Variants in TEC observed in about 807,000 individuals in gnomAD.
TEC encodes the protein tec protein tyrosine kinase.
TEC carries 72 observed loss-of-function variants against 93.0 expected under a neutral mutation model. The ratio of observed to expected loss-of-function variants is 0.77; its 90% CI spans 0.64 to 0.94. The LOEUF is 0.94. TEC is among the 40% of genes least tolerant of loss of function. TEC has a pLI of 0.00. For synonymous variants in TEC, 249 were observed against 247.7 expected, an observed-to-expected ratio of 1.01 and a Z score of -0.05; for missense variants, 630 against 757.9, an observed-to-expected ratio of 0.83 and a Z score of 1.98.
chr4:48,219,722 G>T (rs1723194671), intron 2 of TEC, among the ~76,000 whole-genome samples: 1 of 152,058 alleles, frequency 6.6e-6, no homozygotes, highest in African/African-American at 2.4e-5. Flanking sequence ...CAATCACTTA[G>T]AAGATTCACC....
intron 8 of TEC, among the ~76,000 whole-genome samples, chr4:48,159,416 A>T (rs1048646036): frequency 7.2e-5 from 11 of 152,182 alleles, no homozygotes; most frequent in African/African-American, 2.7e-4. Context: ...TTTTTGGGAC[A>T]GAGTCTTGCT....
At chr4:48,201,124 AGAAGGTG>A (rs1722491886) in intron 2 of TEC, among the ~76,000 whole-genome samples, 1 of 152,156 alleles carries the variant, frequency 6.6e-6, no homozygotes, top group Admixed American at 6.5e-5. Context: ...AGATATATTT[AGAAGGTG>A]GAACCAATAG....
intron 1 of TEC, among the ~76,000 whole-genome samples, chr4:48,241,053 T>C (rs934132279): frequency 6.6e-6 from 1 of 152,232 alleles, no homozygotes; most frequent in East Asian, 1.9e-4. Context: ...AAAAGTATCA[T>C]GGATGTATGT....
intron 7 of TEC, among the ~76,000 whole-genome samples, chr4:48,166,988 G>A (rs1720896062): frequency 6.6e-6 from 1 of 151,760 alleles, no homozygotes; most frequent in African/African-American, 2.4e-5. Context: ...GTGTGCTCTG[G>A]CAGGACAAAA....
intron 2 of TEC, among the ~76,000 whole-genome samples, chr4:48,199,337 TTTACATCTCTTTCAC>T (rs1390387394): frequency 3.0e-4 from 45 of 152,212 alleles, no homozygotes; most frequent in African/African-American, 1.1e-3. Context: ...ATCTCTTTCA[TTTACATCTCTTTCAC>T]ATGACACAAA....
chr4:48,266,921 CG>C (rs1724653293), intron 1 of TEC, among the ~76,000 whole-genome samples: 1 of 151,736 alleles, frequency 6.6e-6, no homozygotes, highest in African/African-American at 2.4e-5. Context: ...TCTGTTTTAA[CG>C]ACTGCAAGAA....
chr4:48,146,232 C>T, intron 12 of TEC, 93 bp downstream of exon 12: 1 of 1,139,260 alleles, frequency 8.8e-7, no homozygotes, highest in Non-Finnish European at 1.3e-6. Flanking sequence ...AAAACAGTTC[C>T]AGTATGTGAA....
At chr4:48,238,780 C>T (rs1025280768) in intron 1 of TEC, among the ~76,000 whole-genome samples, 2 of 151,744 alleles carry the variant, frequency 1.3e-5, no homozygotes, top group Non-Finnish European at 2.9e-5. Flanking sequence ...TAAGTTAAGA[C>T]CAAAAAGATG....
intron 1 of TEC, among the ~76,000 whole-genome samples, chr4:48,269,135 G>A (rs1383852667): frequency 6.6e-5 from 10 of 152,154 alleles, no homozygotes; most frequent in Non-Finnish European, 1.5e-5. Context: ...AAGAGAACGT[G>A]AACTTCACTG....
chr4:48,161,087 A>T (rs1720638014), intron 8 of TEC, among the ~76,000 whole-genome samples: 1 of 152,170 alleles, frequency 6.6e-6, no homozygotes, highest in African/African-American at 2.4e-5. Flanking sequence ...AGCAGTGTCA[A>T]TAAGGAAAGA....
intron 1 of TEC, among the ~76,000 whole-genome samples, chr4:48,232,497 G>C (rs575591874): frequency 6.6e-6 from 1 of 152,074 alleles, no homozygotes; most frequent in Non-Finnish European, 1.5e-5. Flanking sequence ...TCCTACTTAC[G>C]GGCTTTCCCT....
At chr4:48,166,143 C>CT (rs1720864364) in intron 7 of TEC, among the ~76,000 whole-genome samples, 1 of 152,158 alleles carries the variant, frequency 6.6e-6, no homozygotes, top group Non-Finnish European at 1.5e-5. Context: ...TGCGGGGTAG[C>CT]TTTTGCAAGC....
At chr4:48,221,968 C>T (rs1277430747) in intron 2 of TEC, among the ~76,000 whole-genome samples, 1 of 152,100 alleles carries the variant, frequency 6.6e-6, no homozygotes, top group Admixed American at 6.6e-5. Context: ...TGTAAATAGT[C>T]AGGTAGTCAA....
intron 1 of TEC, among the ~76,000 whole-genome samples, chr4:48,253,300 C>T (rs1724258086): frequency 6.6e-6 from 1 of 152,172 alleles, no homozygotes; most frequent in South Asian, 2.1e-4. Flanking sequence ...CTGCCCTTCT[C>T]CCTGCTTCCA....
chr4:48,185,203 A>G (rs1451254125), intron 2 of TEC, among the ~76,000 whole-genome samples: 1 of 152,242 alleles, frequency 6.6e-6, no homozygotes, highest in Non-Finnish European at 1.5e-5. Context: ...TTAACAGAAA[A>G]GAAAATGAAT....
chr4:48,213,316 G>T (rs1237726666), intron 2 of TEC, among the ~76,000 whole-genome samples: 3 of 152,076 alleles, frequency 2.0e-5, no homozygotes, highest in Middle Eastern at 3.2e-3. Context: ...CTTTTCAGGG[G>T]CTTACCAATG....
chr4:48,176,687 A>G (rs1009368564), intron 2 of TEC, among the ~76,000 whole-genome samples: 1 of 152,206 alleles, frequency 6.6e-6, no homozygotes, highest in African/African-American at 2.4e-5. Context: ...GGGCCACTGT[A>G]CCTCAGGCCT....
chr4:48,217,798 T>C (rs1302487344), intron 2 of TEC, among the ~76,000 whole-genome samples: 2 of 151,724 alleles, frequency 1.3e-5, no homozygotes, highest in Admixed American at 6.6e-5. Context: ...ATAAATGAAA[T>C]GTGCTCTGGA....
chr4:48,209,703 A>T (rs1244260163), intron 2 of TEC, among the ~76,000 whole-genome samples: 1 of 152,252 alleles, frequency 6.6e-6, no homozygotes, highest in Non-Finnish European at 1.5e-5. Context: ...TCACAAGAGT[A>T]GCTAAAACTA....
Sources: allele counts gnomAD v4.1 joint callset (sites outside exome capture counted in the v4.1 genomes callset), GRCh38; gene constraint gnomAD v4.1.1; transcripts MANE v1.5; gene names NCBI Gene and HGNC (gene_info 2026-07-23, HGNC 2026-07-21).